MCTP2: variants seen among roughly 807,000 people sequenced by gnomAD.
The protein encoded by MCTP2 is multiple C2 and transmembrane domain-containing protein 2.
Under a neutral mutation model 111.6 loss-of-function variants are expected in MCTP2, and 132 were observed. The ratio of observed to expected loss-of-function variants is 1.18; its 90% CI spans 1.03 to 1.37. The LOEUF (loss-of-function observed/expected upper bound fraction) is 1.37, where lower values mean the gene tolerates loss of function less well. MCTP2 is among the 40% of genes most tolerant of loss of function. The pLI is 0.00. For missense variants in MCTP2, 1,183 were observed against 1,067.9 expected, an observed-to-expected ratio of 1.11 and a Z score of -1.50; for synonymous variants, 395 against 387.7, an observed-to-expected ratio of 1.02 and a Z score of -0.22.
chr15:94,473,243 T>G (rs1303666137), intron 21 of MCTP2, among the ~76,000 whole-genome samples: 1 of 152,188 alleles, frequency 6.6e-6, no homozygotes, highest in Non-Finnish European at 1.5e-5. Context: ...GTGAGATGCT[T>G]TATTTCCTCT....
intron 4 of MCTP2, among the ~76,000 whole-genome samples, chr15:94,328,926 G>C (rs757599235): frequency 7.9e-5 from 12 of 152,174 alleles, no homozygotes; most frequent in Non-Finnish European, 1.5e-4. Flanking sequence ...CAGGTGTCTG[G>C]AAGATGAAGA....
chr15:94,435,867 G>A (rs958649705), intron 17 of MCTP2, among the ~76,000 whole-genome samples: 2 of 151,516 alleles, frequency 1.3e-5, no homozygotes, highest in South Asian at 2.1e-4. Context: ...TCCTGACCTC[G>A]TGATCCGCCC....
intron 12 of MCTP2, among the ~76,000 whole-genome samples, chr15:94,373,972 T>C (rs1403642054): frequency 2.6e-5 from 4 of 152,192 alleles, no homozygotes; most frequent in African/African-American, 9.7e-5. Flanking sequence ...ACCAACATAC[T>C]TCACTCAGCT....
chr15:94,261,823 T>C (rs1468841256), intron 1 of MCTP2, among the ~76,000 whole-genome samples: 1 of 152,244 alleles, frequency 6.6e-6, no homozygotes, highest in African/African-American at 2.4e-5. Context: ...AATGAATTCA[T>C]GTCATAATTT....
In MCTP2 at chr15:94,483,873, C is replaced by T. The variant is rs542822332; in HGVS notation, c.*4839C>T. The T allele has an allele frequency of 3.9e-5, 6 of 152,164 alleles. No individual in the cohort carries two copies. Among genetic ancestry groups the T allele is most frequent in the Admixed American group, 6.5e-5 (1 of 15,278 alleles). 9.4% of individuals were successfully genotyped at this position (152,164 alleles called of 1,614,324 possible). ...TAAAAAAAACTATGTTCTATCAAAACCTGCCTCTCATTTATGTATTAGGAA... is the reference window on the plus strand; with the variant it reads ...TAAAAAAAACTATGTTCTATCAAAATCTGCCTCTCATTTATGTATTAGGAA... On this transcript the variant is annotated 3_prime_UTR_variant, in exon 23 of 23. Transcript: ENST00000357742.
intron 17 of MCTP2, among the ~76,000 whole-genome samples, chr15:94,416,398 G>A (rs1045534909): frequency 2.0e-5 from 3 of 151,994 alleles, no homozygotes; most frequent in Non-Finnish European, 4.4e-5. Context: ...AGCAGATGAC[G>A]GGAACAATTG....
chr15:94,289,161 A>G lies in MCTP2; in HGVS notation c.-65-9040A>G, dbSNP rs138453050. Among the ~76,000 whole-genome samples, 20 of 152,310 alleles carry G rather than the reference A, an allele frequency of 1.3e-4. No homozygotes were observed. The East Asian group carries it at 3.9e-3, about 29-fold the overall frequency. ...AGAAGCTAAGCTAACCCCAAATAGG[A>G]TGAATCCAAATAAACACACACCCAG... On this transcript the variant is annotated intron_variant, in intron 1 of 22. Transcript: ENST00000357742.
At chr15:94,380,494 A>T (rs924081225) in intron 12 of MCTP2, among the ~76,000 whole-genome samples, 2 of 152,170 alleles carry the variant, frequency 1.3e-5, no homozygotes, top group African/African-American at 2.4e-5. Context: ...TGGGCTGGGC[A>T]TGGTGGCTCA....
chr15:94,357,868 G>A (rs1389046314), intron 9 of MCTP2, among the ~76,000 whole-genome samples: 1 of 152,156 alleles, frequency 6.6e-6, no homozygotes, highest in Non-Finnish European at 1.5e-5. Context: ...CACTTTTGAA[G>A]AACACAGAAA....
At chr15:94,395,682 A>G (rs181565514) in intron 14 of MCTP2, among the ~76,000 whole-genome samples, 3 of 152,320 alleles carry the variant, frequency 2.0e-5, no homozygotes, top group South Asian at 2.1e-4. Context: ...AAAACTGGTT[A>G]TATTTACTGT....
At chr15:94,252,377 A>C (rs1196192956) in intron 1 of MCTP2, among the ~76,000 whole-genome samples, 1 of 152,200 alleles carries the variant, frequency 6.6e-6, no homozygotes, top group Non-Finnish European at 1.5e-5. Context: ...AGTGATATTG[A>C]GTATAACGTT....
intron 2 of MCTP2, among the ~76,000 whole-genome samples, chr15:94,312,910 G>A (rs541091850): frequency 6.6e-5 from 10 of 152,248 alleles, no homozygotes; most frequent in Admixed American, 2.6e-4. Flanking sequence ...TGGACAGAGC[G>A]AATGTGTGTC....
intron 1 of MCTP2, among the ~76,000 whole-genome samples, chr15:94,286,957 C>T (rs936074491): frequency 7.2e-5 from 11 of 152,162 alleles, no homozygotes; most frequent in Non-Finnish European, 1.5e-4. Flanking sequence ...CTTCAAGGGT[C>T]ACATTTTAGC....
intron 1 of MCTP2, among the ~76,000 whole-genome samples, chr15:94,290,245 CT>C (rs2074971853): frequency 6.6e-6 from 1 of 151,976 alleles, no homozygotes; most frequent in Non-Finnish European, 1.5e-5. Context: ...ATAAATTTAT[CT>C]TTTTAAGCCA....
intron 20 of MCTP2, among the ~76,000 whole-genome samples, 170 bp from the exon 21 acceptor site, chr15:94,470,163 C>T (rs368325926): frequency 2.0e-5 from 3 of 152,208 alleles, no homozygotes; most frequent in African/African-American, 4.8e-5. Context: ...AATGTTTTTC[C>T]AGTACCCAAT....
chr15:94,412,354 C>G (rs989285798), intron 17 of MCTP2, among the ~76,000 whole-genome samples: 1 of 150,870 alleles, frequency 6.6e-6, no homozygotes, highest in Non-Finnish European at 1.5e-5. Flanking sequence ...GTTTGTGAGT[C>G]TGTGGAGTTG....
intron 12 of MCTP2, among the ~76,000 whole-genome samples, chr15:94,377,798 G>A (rs57908543): frequency 0.02 from 3,078 of 152,116 alleles, 98 homozygotes; most frequent in African/African-American, 0.068. Context: ...TGCAGATACC[G>A]CAGGAAGTGA....
At chr15:94,445,141 A>G (rs2084043780) in intron 19 of MCTP2, among the ~76,000 whole-genome samples, 1 of 152,220 alleles carries the variant, frequency 6.6e-6, no homozygotes, top group Admixed American at 6.5e-5. Context: ...GAACAGCAGC[A>G]TCCATAGGGA....
At chr15:94,280,651 G>A (rs1270696948) in intron 1 of MCTP2, among the ~76,000 whole-genome samples, 1 of 151,832 alleles carries the variant, frequency 6.6e-6, no homozygotes, top group Non-Finnish European at 1.5e-5. Context: ...GGTTTGATTT[G>A]CTCATTTTTC....
Sources: gnomAD v4.1 joint callset for allele counts (sites outside exome capture counted in the v4.1 genomes callset) on GRCh38, gnomAD v4.1.1 for gene constraint, MANE v1.5 for transcripts, NCBI Gene and HGNC (gene_info 2026-07-23, HGNC 2026-07-21) for gene names.